The following HEATR5B variants were observed in gnomAD, a reference collection of about 807,000 sequenced individuals.
HEATR5B encodes HEAT repeat containing 5B.
A neutral mutation model predicts 224.1 loss-of-function variants in HEATR5B; 156 were observed. The observed-to-expected ratio is 0.70, with a 90% CI of 0.61 to 0.80. The LOEUF (loss-of-function observed/expected upper bound fraction) is 0.80, where lower values mean the gene tolerates loss of function less well. Among genes scored for constraint, HEATR5B ranks in the 30% least tolerant of loss-of-function variants. HEATR5B has a pLI of 0.00. For missense variants in HEATR5B, 2,323 were observed against 2,535.5 expected (o/e 0.92, Z 1.80); for synonymous variants, 1,027 against 893.0 (o/e 1.15, Z -2.68).
At position 37,028,688 on chromosome 2, in the gene HEATR5B, A is replaced by G. The variant is rs763378032; in HGVS notation, c.3594T>C (p.Ala1198=). ...CGCACATTAAATACTTACCACTAGAAGCTGCCAGGACATCTTTACAAAGCA... is the reference window on the plus strand; with the variant it reads ...CGCACATTAAATACTTACCACTAGAGGCTGCCAGGACATCTTTACAAAGCA... The part of the protein sequence containing the change: ...WLMLCKDVLA[A]SSDMSTATLL... Residue 1198 remains alanine, a synonymous_variant, in exon 23 of 36, where the codon GCT becomes GCC. Transcript: ENST00000233099. 6.2e-6 allele frequency: 10 copies of G among 1,613,942 alleles called. No homozygotes were observed. Among genetic ancestry groups the G allele is most frequent in the Non-Finnish European group, 7.6e-6 (9 of 1,179,848 alleles).
At position 37,000,721 on chromosome 2, in the gene HEATR5B, G is replaced by A. The variant is rs535096898; in HGVS notation, c.5410C>T (p.Pro1804Ser). 71 of 1,614,046 alleles carry A rather than the reference G, an allele frequency of 4.4e-5. 1 individual carries two copies. The East Asian group carries it at 1.0e-3, about 23-fold the overall frequency. ...ATCCCTTGAAGAGCTGCACTGACTGGTGGAGGAACCTGATTATCTGCAGAC... is the reference window on the plus strand; with the variant it reads ...ATCCCTTGAAGAGCTGCACTGACTGATGGAGGAACCTGATTATCTGCAGAC... ...IKSADNQVPP[P>S]VSAALQGIKS... Residue 1804 changes from proline (P) to serine (S), a missense_variant, in exon 33 of 36, where the codon CCA becomes TCA. By Grantham distance (74) the Pro-to-Ser change is moderately conservative. Around this residue, in one of 12 missense-constraint regions of HEATR5B, gnomAD observed 844 missense variants for 812.9 expected, o/e 1.04. Transcript: ENST00000233099.
rs541755186 is a variant in HEATR5B at position 37,049,340 on chromosome 2, T to C, written c.2696+313A>G. 2.6e-5 allele frequency among the ~76,000 whole-genome samples: 4 copies of C among 152,222 alleles called. No individual in the cohort carries two copies. In the East Asian group the frequency reaches 5.8e-4, roughly 22 times the overall value. On this transcript the variant is annotated intron_variant, in intron 18 of 35. Transcript: ENST00000233099. ...AAGGAAAGGGAGGGAGGAGAGAAAATGACGTCAGAGCACCTCTTCAGTGAA... is the reference window on the plus strand; with the variant it reads ...AAGGAAAGGGAGGGAGGAGAGAAAACGACGTCAGAGCACCTCTTCAGTGAA...
In HEATR5B at chr2:37,079,218, A is replaced by G; in HGVS notation, c.240T>C (p.Tyr80=). The part of the protein sequence containing the change: ...KLLAKNLAAL[Y]SIGDTFTVFQ... ...AAACTGTGAAAGTATCCCCAATGCTATAAAGGGCTGCGAGATTTTTAGCTA... is the reference window on the plus strand; with the variant it reads ...AAACTGTGAAAGTATCCCCAATGCTGTAAAGGGCTGCGAGATTTTTAGCTA... Residue 80 remains tyrosine, a synonymous_variant, in exon 3 of 36, where the codon TAT becomes TAC. Transcript: ENST00000233099. 1 of 1,607,146 alleles carries G rather than the reference A, an allele frequency of 6.2e-7. No homozygotes were observed. The highest frequency in any genetic ancestry group is 8.5e-7 in the Non-Finnish European group (1 of 1,173,682).
At chr2:37,037,576 T>C (rs1669577478) in intron 21 of HEATR5B, among the ~76,000 whole-genome samples, 1 of 152,186 alleles carries the variant, frequency 6.6e-6, no homozygotes, top group Non-Finnish European at 1.5e-5. Context: ...ACAAAAGATC[T>C]AGTATTTGAT....
chr2:36,994,670 AC>A lies in HEATR5B; in HGVS notation c.5546-3872del, dbSNP rs540007890. Among the ~76,000 whole-genome samples the A allele has an allele frequency of 3.8e-3, 580 of 152,294 alleles. 2 individuals are homozygous for A. The highest frequency in any genetic ancestry group is 0.013 in the African/African-American group (557 of 41,554). Reference sequence around the variant, plus strand: ...TGAACTAGCTTGATAACATATCAAAACTTTCCCTTAATGAACAATTTCAAAA... The same window carrying A: ...TGAACTAGCTTGATAACATATCAAAATTTCCCTTAATGAACAATTTCAAAA... On this transcript the variant is annotated intron_variant, in intron 33 of 35. Coordinates refer to ENST00000233099, the MANE Select transcript of HEATR5B (RefSeq NM_019024.3).
At position 37,041,320 on chromosome 2, in the gene HEATR5B, T is replaced by G. The variant is rs1388165467; in HGVS notation, c.2697-28A>C. The stretch of plus-strand genomic sequence containing the variant: ...GAAAAAAAGATTATGCTTCAAGCAC[T>G]AACTTTGCTATTTCCCTATAAAAAC... On this transcript the variant is annotated intron_variant, in intron 18 of 35. Coordinates refer to ENST00000233099, the MANE Select transcript of HEATR5B (RefSeq NM_019024.3). The G allele has an allele frequency of 1.9e-6, 3 of 1,607,332 alleles. No homozygotes were observed. In the East Asian group the frequency reaches 6.7e-5, roughly 36 times the overall value.
chr2:37,011,772 G>C (rs553498519), intron 27 of HEATR5B, among the ~76,000 whole-genome samples: 1 of 152,148 alleles, frequency 6.6e-6, no homozygotes, highest in Admixed American at 6.5e-5. Context: ...ATGAAATACA[G>C]CTTTCGAAGA....
At chr2:36,999,253 T>C (rs1415254842) in intron 33 of HEATR5B, among the ~76,000 whole-genome samples, 1 of 152,032 alleles carries the variant, frequency 6.6e-6, no homozygotes, top group Non-Finnish European at 1.5e-5. Flanking sequence ...CGAAAAAACA[T>C]AATATCAACA....
rs1558357468 is a variant in HEATR5B, at chr2:37,058,898, T to TA, written c.1938dup (p.Met647TyrfsTer19). 1.3e-6 allele frequency: 2 copies of TA among 1,592,592 alleles called. No homozygotes were observed. Among genetic ancestry groups the TA allele is most frequent in the African/African-American group, 2.7e-5 (2 of 74,564 alleles). ...CAATCGCTTACTTACTGTGACATCA[T>TA]AGTCATGGCACATTCAATAGGGGTC... On this transcript the variant is annotated frameshift_variant, in exon 13 of 36. Transcript: ENST00000233099. LOFTEE classifies it high-confidence loss of function.
intron 33 of HEATR5B, among the ~76,000 whole-genome samples, chr2:36,997,522 C>T (rs1335726635): frequency 1.3e-5 from 2 of 151,560 alleles, no homozygotes; most frequent in Admixed American, 6.6e-5. Context: ...GTAAAATTGT[C>T]CTCTGTGACA....
chr2:37,033,662 G>C (rs1669282101), intron 21 of HEATR5B, among the ~76,000 whole-genome samples: 1 of 152,134 alleles, frequency 6.6e-6, no homozygotes, highest in African/African-American at 2.4e-5. Context: ...GATGCAACAT[G>C]GCATAAAAGT....
chr2:37,026,088 CAT>C (rs1572835505), intron 24 of HEATR5B, among the ~76,000 whole-genome samples: 1 of 152,216 alleles, frequency 6.6e-6, no homozygotes. Context: ...AGTCTAATCA[CAT>C]GAGTCCTTAA....
intron 3 of HEATR5B, among the ~76,000 whole-genome samples, chr2:37,078,702 A>T (rs1465038944): frequency 6.6e-6 from 1 of 152,016 alleles, no homozygotes; most frequent in African/African-American, 2.4e-5. Flanking sequence ...TAATCTCTCC[A>T]TTTCCTCTGT....
intron 33 of HEATR5B, among the ~76,000 whole-genome samples, chr2:36,996,137 T>G (rs1258735619): frequency 2.6e-5 from 4 of 151,808 alleles, no homozygotes; most frequent in Admixed American, 6.6e-5. Flanking sequence ...CTCAGCTCAT[T>G]ACAACCTCCA....
chr2:37,072,061 A>G lies in HEATR5B; in HGVS notation c.769+49T>C, dbSNP rs370709976. ...CATTACACTGACTTGCCTATATGCA[A>G]TAACTAATTAGGTCTGTTATGGTCT... On this transcript the variant is annotated intron_variant, in intron 6 of 35. Coordinates refer to ENST00000233099, the MANE Select transcript of HEATR5B (RefSeq NM_019024.3). The G allele has an allele frequency of 4.7e-5, 67 of 1,439,192 alleles. No individual in the cohort carries two copies. The African/African-American group carries it at 8.1e-4, about 17-fold the overall frequency. The allele number at this position is 1,439,192 out of a possible 1,614,324, so 89.2% of individuals were successfully genotyped here.
In HEATR5B at chr2:37,038,751, C is replaced by T. The variant is rs1312475710; in HGVS notation, c.3047-727G>A. On this transcript the variant is annotated intron_variant, in intron 20 of 35. Coordinates refer to ENST00000233099, the MANE Select transcript of HEATR5B (RefSeq NM_019024.3). ...CCTGAGGTCAGGAGTTCGAGACCAG[C>T]CTGGCCAACATAGTGGAACCCCCGT... is the stretch of plus-strand genomic sequence containing the variant. Among the ~76,000 whole-genome samples, 6 of 149,862 alleles carry T rather than the reference C, an allele frequency of 4.0e-5. No homozygotes were observed. The East Asian group carries it at 8.9e-4, about 22-fold the overall frequency.
chr2:37,008,617 G>C lies in HEATR5B; in HGVS notation c.4516C>G (p.Pro1506Ala), dbSNP rs1667581999. Residue 1506 changes from proline to alanine, a missense_variant, in exon 28 of 36, where the codon CCA becomes GCA. This residue lies in a region of HEATR5B where 844 missense variants were observed against 812.9 expected (regional missense o/e 1.04). Transcript: ENST00000233099. ...LPAEFSSQLP[P>A]DGGAFYTPET... is the part of the protein sequence containing the mutation. ...CTCAGAATGTAATACTCACCATCTG[G>C]AGGAAGCTGACTAGAAAATTCGGCT... is the stretch of plus-strand genomic sequence containing the variant. The C allele has an allele frequency of 6.2e-7, 1 of 1,606,572 alleles. No homozygotes were observed. The highest frequency in any genetic ancestry group is 8.5e-7 in the Non-Finnish European group (1 of 1,173,186).
At chr2:37,001,545 T>C (rs905593386) in intron 32 of HEATR5B, among the ~76,000 whole-genome samples, 1 of 152,106 alleles carries the variant, frequency 6.6e-6, no homozygotes, top group African/African-American at 2.4e-5. Flanking sequence ...ATCTTTTGGC[T>C]TCCCTGAGCC....
At chr2:37,041,559 A>G (rs1054838375) in intron 18 of HEATR5B, among the ~76,000 whole-genome samples, 4 of 152,142 alleles carry the variant, frequency 2.6e-5, no homozygotes, top group Non-Finnish European at 2.9e-5. Flanking sequence ...CAGTCTGGCT[A>G]ACATGGCAAA....
Sources: allele counts gnomAD v4.1 joint callset (sites outside exome capture counted in the v4.1 genomes callset), GRCh38; gene constraint gnomAD v4.1.1; regional missense constraint gnomAD v4.1.1; transcripts MANE v1.5; gene names NCBI Gene and HGNC (gene_info 2026-07-23, HGNC 2026-07-21).